ITPKB: variants seen among roughly 807,000 people sequenced by gnomAD.
ITPKB encodes the protein IP3 3-kinase B.
In ITPKB, 13 loss-of-function variants were observed where a neutral mutation model predicts 69.4. The ratio of observed to expected loss-of-function variants is 0.19; its 90% CI spans 0.12 to 0.30. ITPKB has a LOEUF of 0.30. Among genes scored for constraint, ITPKB ranks in the 10% least tolerant of loss-of-function variants. ITPKB has a pLI of 1.00. For missense variants in ITPKB, 1,240 were observed against 1,250.5 expected, an observed-to-expected ratio of 0.99 and a Z score of 0.13; for synonymous variants, 584 against 513.7, an observed-to-expected ratio of 1.14 and a Z score of -1.85.
At chr1:226,729,250 G>A (rs976178276) in intron 2 of ITPKB, among the ~76,000 whole-genome samples, 10 of 152,160 alleles carry the variant, frequency 6.6e-5, no homozygotes, top group South Asian at 4.2e-4. Flanking sequence ...TTGGGAGGCC[G>A]AGATGGGAGT....
chr1:226,685,580 C>A (rs993126764), intron 2 of ITPKB, among the ~76,000 whole-genome samples: 4 of 152,178 alleles, frequency 2.6e-5, no homozygotes, highest in African/African-American at 9.7e-5. Flanking sequence ...TCCCTGTCTG[C>A]ACCCACACGG....
intron 2 of ITPKB, among the ~76,000 whole-genome samples, chr1:226,679,682 G>A (rs1213474276): frequency 6.6e-6 from 1 of 152,186 alleles, no homozygotes; most frequent in African/African-American, 2.4e-5. Flanking sequence ...AATAAAAGCA[G>A]TATTTTTAAT....
intron 2 of ITPKB, among the ~76,000 whole-genome samples, chr1:226,670,997 A>G (rs150991158): frequency 6.6e-6 from 1 of 152,334 alleles, no homozygotes; most frequent in African/African-American, 2.4e-5. Context: ...AACTGCTACC[A>G]TATCTTACAC....
At position 226,660,097 on chromosome 1, in the gene ITPKB, C is replaced by T. The variant is rs568713435; in HGVS notation, c.1933-11326G>A. ...GCTTGGGTTTCTCTCCAGGACCCCA[C>T]GGCTGGCAGCCTGGCTGGCCCCAGG... is the stretch of plus-strand genomic sequence containing the variant. On this transcript the variant is annotated intron_variant, in intron 2 of 7. Coordinates refer to ENST00000429204, the MANE Select transcript of ITPKB (RefSeq NM_002221.4). 2.0e-5 allele frequency among the ~76,000 whole-genome samples: 3 copies of T among 152,228 alleles called. No individual in the cohort carries two copies. In the South Asian group the frequency reaches 6.2e-4, roughly 31 times the overall value.
At chr1:226,722,877 G>A (rs1384343458) in intron 2 of ITPKB, among the ~76,000 whole-genome samples, 1 of 152,070 alleles carries the variant, frequency 6.6e-6, no homozygotes, top group Non-Finnish European at 1.5e-5. Context: ...GGTTTGAATA[G>A]ATCATCCTGG....
chr1:226,663,462 T>A (rs1669439224), intron 2 of ITPKB, among the ~76,000 whole-genome samples: 4 of 152,104 alleles, frequency 2.6e-5, no homozygotes, highest in Admixed American at 2.6e-4. Context: ...CTGAAACTGT[T>A]TCCTTCACTT....
Position 226,646,081 on chromosome 1 carries a change from A to T in ITPKB, c.2246+1086T>A, listed in dbSNP as rs1022836914. Among the ~76,000 whole-genome samples the T allele has an allele frequency of 2.0e-5, 3 of 152,116 alleles. No homozygotes were observed. The South Asian group carries it at 6.2e-4, about 31-fold the overall frequency. On this transcript the variant is annotated intron_variant, in intron 4 of 7. Transcript: ENST00000429204. ...CACCCCTCTTTCTCAATCTGCTCTT[A>T]TGAGAAATAATCCGGTTAAACCAGT...
At chr1:226,731,813 C>A (rs1005643289) in intron 2 of ITPKB, among the ~76,000 whole-genome samples, 1 of 152,058 alleles carries the variant, frequency 6.6e-6, no homozygotes. Flanking sequence ...AGAAGGGTAC[C>A]CCATCTTCAG....
chr1:226,733,204 A>G (rs1446315670), intron 2 of ITPKB, among the ~76,000 whole-genome samples: 1 of 152,184 alleles, frequency 6.6e-6, no homozygotes, highest in African/African-American at 2.4e-5. Flanking sequence ...GTGAGCAAGC[A>G]TGAGAGTGTG....
chr1:226,641,158 CCAGA>C lies in ITPKB; in HGVS notation c.2451+759_2451+762del, dbSNP rs1571834971. Among the ~76,000 whole-genome samples, 1 of 152,196 alleles carries C rather than the reference CCAGA, an allele frequency of 6.6e-6. No individual in the cohort carries two copies. Among genetic ancestry groups the C allele is most frequent in the African/African-American group, 2.4e-5 (1 of 41,436 alleles). On this transcript the variant is annotated intron_variant, in intron 5 of 7. Coordinates refer to ENST00000429204, the MANE Select transcript of ITPKB (RefSeq NM_002221.4). The surrounding 1 kb of genome is among the most constrained non-coding windows in gnomAD (Gnocchi z 4.6). ...AGGGGCCCAGGGACAGGGAGATCAT[CCAGA>C]CAGTCACCAATCCAGACAGTGCCAG...
intron 2 of ITPKB, among the ~76,000 whole-genome samples, chr1:226,695,925 G>C (rs1656473793): frequency 6.6e-6 from 1 of 152,198 alleles, no homozygotes; most frequent in African/African-American, 2.4e-5. Flanking sequence ...GGAAACGGAT[G>C]CAAGGCCAGC....
intron 2 of ITPKB, among the ~76,000 whole-genome samples, chr1:226,719,811 G>A (rs536180138): frequency 2.0e-5 from 3 of 152,306 alleles, no homozygotes; most frequent in African/African-American, 7.2e-5. Flanking sequence ...ATCTGGACAC[G>A]TGCAGATCCA....
Position 226,649,112 on chromosome 1 carries a change from C to T in ITPKB, c.1933-341G>A, listed in dbSNP as rs376792418. On this transcript the variant is annotated intron_variant, in intron 2 of 7. Coordinates refer to ENST00000429204, the MANE Select transcript of ITPKB (RefSeq NM_002221.4). ...CGGAGGCACCAGAGGCACCTCTTGCCTGCGAGTGGTTTGAAGAGAGACTTT... is the reference window on the plus strand; with the variant it reads ...CGGAGGCACCAGAGGCACCTCTTGCTTGCGAGTGGTTTGAAGAGAGACTTT... Among the ~76,000 whole-genome samples, 12 of 152,326 alleles carry T rather than the reference C, an allele frequency of 7.9e-5. No individual in the cohort carries two copies. The South Asian group carries it at 2.3e-3, about 29-fold the overall frequency.
intron 2 of ITPKB, among the ~76,000 whole-genome samples, chr1:226,694,519 T>G (rs535675476): frequency 1.3e-5 from 2 of 152,354 alleles, no homozygotes; most frequent in African/African-American, 4.8e-5. Context: ...CAGAGCACTT[T>G]GCAGTTTTAT....
chr1:226,738,946 C>G lies in ITPKB; in HGVS notation c.-206+95G>C, dbSNP rs1002855018. 7 of 152,246 alleles carry G rather than the reference C, an allele frequency of 4.6e-5. No individual in the cohort carries two copies. The highest frequency in any genetic ancestry group is 1.4e-4 in the African/African-American group (6 of 41,434). 9.4% of individuals were successfully genotyped at this position (152,246 alleles called of 1,614,324 possible). A position where few individuals can be genotyped will look rare whatever the true frequency, so the allele number is the denominator to read the frequency against. ...CCCAGCCCACCCCTTTGCCCTGTTT[C>G]GGAACCAGGAACGCCGAGATTCGCT... On this transcript the variant is annotated intron_variant, in intron 1 of 7. Transcript: ENST00000429204. This position sits in a 1 kb window ranked among gnomAD's most constrained non-coding sequence, Gnocchi z 4.2.
intron 2 of ITPKB, among the ~76,000 whole-genome samples, chr1:226,695,908 AG>A (rs1656473170): frequency 6.6e-6 from 1 of 152,042 alleles, no homozygotes; most frequent in Admixed American, 6.5e-5. Context: ...AGCGGGGAGG[AG>A]GGGGAGGAAA....
intron 2 of ITPKB, among the ~76,000 whole-genome samples, chr1:226,711,249 T>G (rs937162566): frequency 6.6e-6 from 1 of 152,174 alleles, no homozygotes; most frequent in Non-Finnish European, 1.5e-5. Context: ...AGGACATTTC[T>G]CAGCCTAACA....
At chr1:226,733,882 C>G (rs1284390271) in intron 2 of ITPKB, among the ~76,000 whole-genome samples, 2 of 152,220 alleles carry the variant, frequency 1.3e-5, no homozygotes, top group Non-Finnish European at 2.9e-5. Context: ...CATCGGGACA[C>G]AAACTGTTTT....
At chr1:226,700,465 CAAAAAAAAAAAAAAAAA>C (rs58320585) in intron 2 of ITPKB, among the ~76,000 whole-genome samples, 14 of 53,962 alleles carry the variant, frequency 2.6e-4, no homozygotes, top group African/African-American at 1.0e-3. Context: ...AAGACTCCGT[CAAAAAAAAAAAAAAAAA>C]AAAAAAAAAA....
Sources: gnomAD v4.1 joint callset for allele counts (sites outside exome capture counted in the v4.1 genomes callset) on GRCh38, gnomAD v4.1.1 for gene constraint, Gnocchi (gnomAD v3.1) non-coding constraint, MANE v1.5 for transcripts, NCBI Gene and HGNC (gene_info 2026-07-23, HGNC 2026-07-21) for gene names.